The following LRRC37A2 variants were observed in gnomAD, a reference collection of about 807,000 sequenced individuals.
LRRC37A2 encodes leucine rich repeat containing 37 member A2, also known as leucine-rich repeat-containing protein 37A2.
LRRC37A2 carries 9 observed loss-of-function variants against 68.8 expected under a neutral mutation model. That is an observed-to-expected ratio of 0.13 (90% confidence interval 0.08 to 0.23). LRRC37A2 has a LOEUF of 0.23. Ranked by LOEUF, LRRC37A2 falls within the 10% of genes least tolerant of loss-of-function variation. The pLI, the probability that LRRC37A2 is intolerant of heterozygous loss-of-function variation, is 1.00. For synonymous variants in LRRC37A2, 63 were observed against 367.6 expected (o/e 0.17, Z 9.48); for missense variants, 168 against 950.4 (o/e 0.18, Z 10.82).
At chr17:46,908,144 G>T in the LRRC37A2 span, among the ~76,000 whole-genome samples, 1 of 152,076 alleles carries the variant, frequency 6.6e-6, no homozygotes, top group Non-Finnish European at 1.5e-5. Flanking sequence ...CTTCATGATA[G>T]ATGAGCCCCC....
At chr17:46,748,219 C>A in the LRRC37A2 span, among the ~76,000 whole-genome samples, 2 of 152,080 alleles carry the variant, frequency 1.3e-5, no homozygotes, top group South Asian at 4.1e-4. Context: ...TTCAAGCATT[C>A]TCCTACCTCA....
chr17:46,874,918 A>C, the LRRC37A2 span: 1 of 889,218 alleles, frequency 1.1e-6, no homozygotes, highest in East Asian at 2.4e-5. Flanking sequence ...TCAGAATTTA[A>C]GGGGCAGTTG....
intron 6 of LRRC37A2, among the ~76,000 whole-genome samples, chr17:46,539,443 C>T (rs1318109757): frequency 6.7e-6 from 1 of 149,018 alleles, no homozygotes; most frequent in African/African-American, 2.5e-5. Flanking sequence ...CAAATTAAAC[C>T]ATAAATTTTA....
chr17:46,864,189 C>G, the LRRC37A2 span, among the ~76,000 whole-genome samples: 1 of 152,162 alleles, frequency 6.6e-6, no homozygotes, highest in Admixed American at 6.5e-5. Context: ...TTGGTCAATG[C>G]GTCATGGTTA....
At chr17:47,046,361 GTAAT>G in the LRRC37A2 span, among the ~76,000 whole-genome samples, 1 of 111,700 alleles carries the variant, frequency 9.0e-6, no homozygotes, top group Non-Finnish European at 1.9e-5. Flanking sequence ...TTTCCGCTTG[GTAAT>G]TAATAAATAA....
At chr17:46,951,100 G>T in the LRRC37A2 span, among the ~76,000 whole-genome samples, 2 of 152,184 alleles carry the variant, frequency 1.3e-5, no homozygotes, top group Non-Finnish European at 2.9e-5. Context: ...CACGCCAAAG[G>T]CTTCTCCAGC....
the LRRC37A2 span, among the ~76,000 whole-genome samples, chr17:47,045,612 TTA>T: frequency 6.8e-6 from 1 of 146,976 alleles, no homozygotes; most frequent in Non-Finnish European, 1.5e-5. Context: ...GGGATTGTTT[TTA>T]TCTCTCTGAA....
chr17:46,768,362 G>A, the LRRC37A2 span: 1 of 1,613,802 alleles, frequency 6.2e-7, no homozygotes. This position sits in a 1 kb window ranked among gnomAD's most constrained non-coding sequence, Gnocchi z 5.0. Context: ...TACACTCCTG[G>A]CAGCTGACGT....
At chr17:46,769,235 G>A in the LRRC37A2 span, among the ~76,000 whole-genome samples, 1 of 150,086 alleles carries the variant, frequency 6.7e-6, no homozygotes, top group East Asian at 2.0e-4. Flanking sequence ...AGAATTGCTT[G>A]AACTCGGGAG....
the LRRC37A2 span, among the ~76,000 whole-genome samples, chr17:46,881,603 C>A: frequency 2.6e-5 from 4 of 152,168 alleles, no homozygotes; most frequent in Admixed American, 1.3e-4. Flanking sequence ...CTCATCTGAG[C>A]CTTACTTTGT....
At chr17:46,906,938 A>G in the LRRC37A2 span, among the ~76,000 whole-genome samples, 3 of 152,220 alleles carry the variant, frequency 2.0e-5, no homozygotes, top group Non-Finnish European at 4.4e-5. Context: ...AGGTACTCTC[A>G]AATACATGAT....
At chr17:46,918,668 T>C in the LRRC37A2 span, among the ~76,000 whole-genome samples, 42 of 150,120 alleles carry the variant, frequency 2.8e-4, 1 homozygote, top group African/African-American at 1.0e-3. Context: ...TACTCACCAA[T>C]GAAGTACTAA....
chr17:46,936,857 T>C, the LRRC37A2 span: 1 of 982,002 alleles, frequency 1.0e-6, no homozygotes, highest in Non-Finnish European at 1.2e-6. Flanking sequence ...GGCTGAGGCT[T>C]CTTAATTGCT....
the LRRC37A2 span, chr17:46,929,838 C>G: frequency 8.2e-6 from 4 of 488,340 alleles, no homozygotes; most frequent in Non-Finnish European, 1.5e-5. Flanking sequence ...GAAGCGCTTG[C>G]CTCCATCTAT....
the LRRC37A2 span, chr17:46,941,079 A>T: frequency 9.4e-7 from 1 of 1,068,958 alleles, no homozygotes; most frequent in Non-Finnish European, 1.1e-6. Flanking sequence ...GACCTTGTAC[A>T]TGAGTTTGGT....
the LRRC37A2 span, among the ~76,000 whole-genome samples, chr17:46,817,555 C>T: frequency 9.1e-4 from 138 of 152,118 alleles, no homozygotes; most frequent in Non-Finnish European, 1.7e-3. Context: ...TGGGGCCGCT[C>T]GGAAAACAAG....
the LRRC37A2 span, among the ~76,000 whole-genome samples, chr17:46,759,987 G>C: frequency 2.0e-5 from 3 of 152,174 alleles, no homozygotes; most frequent in Admixed American, 2.0e-4. Flanking sequence ...AATAAGACTG[G>C]GCAGGGTGTG....
At chr17:47,019,760 G>C in the LRRC37A2 span, 1 of 781,850 alleles carries the variant, frequency 1.3e-6, no homozygotes, top group South Asian at 1.4e-5. Context: ...GCAAGTGCCT[G>C]TGCCAGAGCC....
chr17:46,798,925 G>A, the LRRC37A2 span, among the ~76,000 whole-genome samples: 2 of 151,904 alleles, frequency 1.3e-5, no homozygotes, highest in African/African-American at 4.8e-5. Flanking sequence ...GTGCGTGCCT[G>A]TAGTCCCAGC....
Sources: allele counts gnomAD v4.1 joint callset (sites outside exome capture counted in the v4.1 genomes callset), GRCh38; gene constraint gnomAD v4.1.1; non-coding constraint Gnocchi (gnomAD v3.1); transcripts MANE v1.5; gene names NCBI Gene and HGNC (gene_info 2026-07-23, HGNC 2026-07-21).